Variants in FXN observed in about 807,000 individuals in gnomAD.
FXN encodes the protein frataxin, mitochondrial.
A neutral mutation model predicts 22.4 loss-of-function variants in FXN; 14 were observed. The ratio of observed to expected loss-of-function variants is 0.62; its 90% confidence interval spans 0.41 to 0.98. The LOEUF (loss-of-function observed/expected upper bound fraction) is 0.98, where lower values mean the gene tolerates loss of function less well. Among genes scored for constraint, FXN ranks in the 50% least tolerant of loss-of-function variants. The pLI is 0.00. For synonymous variants in FXN, 120 were observed against 114.1 expected, an observed-to-expected ratio of 1.05 and a Z score of -0.33; for missense variants, 267 against 268.4, an observed-to-expected ratio of 0.99 and a Z score of 0.04.
At chr9:69,052,757 T>C (rs1831876682) in intron 2 of FXN, among the ~76,000 whole-genome samples, 3 of 151,876 alleles carry the variant, frequency 2.0e-5, no homozygotes, top group African/African-American at 7.3e-5. Flanking sequence ...TTAGCCAGGA[T>C]GGTCTCGATC....
intron 1 of FXN, among the ~76,000 whole-genome samples, chr9:69,036,693 A>G (rs1831556923): frequency 6.6e-6 from 1 of 152,226 alleles, no homozygotes; most frequent in South Asian, 2.1e-4. Flanking sequence ...GGAATAACAT[A>G]GATAAAGTCT....
intron 4 of FXN, 54 bp from the exon 5 acceptor site, chr9:69,072,558 G>T: frequency 6.2e-7 from 1 of 1,612,302 alleles, no homozygotes; most frequent in Non-Finnish European, 8.5e-7. Flanking sequence ...GGAATCAGTG[G>T]TTCATCTGAA....
At chr9:69,043,949 T>C (rs1240055878) in intron 1 of FXN, among the ~76,000 whole-genome samples, 1 of 152,134 alleles carries the variant, frequency 6.6e-6, no homozygotes, top group African/African-American at 2.4e-5. Flanking sequence ...TCTCAAACTC[T>C]TGAGCTCAAG....
chr9:69,060,471 A>G (rs900366087), intron 3 of FXN, among the ~76,000 whole-genome samples: 1 of 152,102 alleles, frequency 6.6e-6, no homozygotes, highest in South Asian at 2.1e-4. Context: ...TTCCCCCTGC[A>G]CTTAAGGGCA....
At position 69,077,030 on chromosome 9, in the gene FXN, C is replaced by T. The variant is rs1832382249; in HGVS notation, c.*4268C>T. On this transcript the variant is annotated 3_prime_UTR_variant, in exon 5 of 5. Coordinates refer to ENST00000484259, the MANE Select transcript of FXN (RefSeq NM_000144.5). Reference sequence around the variant, plus strand: ...CCTGGGTTCAAGCAATTCTCTGCCTCAGCCTCCCGAGTAGCTGGGATTACA... The same window carrying T: ...CCTGGGTTCAAGCAATTCTCTGCCTTAGCCTCCCGAGTAGCTGGGATTACA... 1 of 561,182 alleles carries T rather than the reference C, an allele frequency of 1.8e-6. No homozygotes were observed. The highest frequency in any genetic ancestry group is 2.3e-6 in the Non-Finnish European group (1 of 442,550). The allele number at this position is 561,182 out of a possible 1,614,324, so 34.8% of individuals were successfully genotyped here.
At position 69,076,427 on chromosome 9, in the gene FXN, G is replaced by A; in HGVS notation, c.*3665G>A. On this transcript the variant is annotated 3_prime_UTR_variant, in exon 5 of 5. Coordinates refer to ENST00000484259, the MANE Select transcript of FXN (RefSeq NM_000144.5). ...ACCTTGAACTTAATCAAAATACTCAGTTTACTTAACTTCGTATTAGATTCT... is the reference window on the plus strand; with the variant it reads ...ACCTTGAACTTAATCAAAATACTCAATTTACTTAACTTCGTATTAGATTCT... 2.0e-6 allele frequency: 2 copies of A among 985,298 alleles called. No individual in the cohort carries two copies. The highest frequency in any genetic ancestry group is 2.4e-6 in the Non-Finnish European group (2 of 829,894). 61.0% of individuals were successfully genotyped at this position (985,298 alleles called of 1,614,324 possible). A position where few individuals can be genotyped will look rare whatever the true frequency, so the allele number is the denominator to read the frequency against.
Position 69,035,769 on chromosome 9 carries a change from A to C in FXN, c.-14A>C, listed in dbSNP as rs930798570. The stretch of plus-strand genomic sequence containing the variant: ...AGCGCTGGAGGGCGGAGCGGGCGGC[A>C]GACCCGGAGCAGCATGTGGACTCTC... On this transcript the variant is annotated 5_prime_UTR_variant, in exon 1 of 5. Transcript: ENST00000484259. The C allele has an allele frequency of 2.7e-5, 40 of 1,498,296 alleles. No individual in the cohort carries two copies. Among genetic ancestry groups the C allele is most frequent in the Non-Finnish European group, 3.4e-5 (38 of 1,129,346 alleles). The allele number at this position is 1,498,296 out of a possible 1,614,324, so 92.8% of individuals were successfully genotyped here.
rs56289301 is a variant in FXN, at chr9:69,076,704, C to T, written c.*3942C>T. On this transcript the variant is annotated 3_prime_UTR_variant, in exon 5 of 5. Transcript: ENST00000484259. ...CCATGCAAGGTTGCCAAGGAAAAAT[C>T]GCTTTACGCTTCCAAGGTACACACT... 4.4e-3 allele frequency: 4,339 copies of T among 985,386 alleles called. 151 individuals carry two copies. In the African/African-American group the frequency reaches 0.069, roughly 16 times the overall value. 61.0% of individuals were successfully genotyped at this position (985,386 alleles called of 1,614,324 possible).
chr9:69,074,937 C>T lies in FXN; in HGVS notation c.*2175C>T. 1 of 985,402 alleles carries T rather than the reference C, an allele frequency of 1.0e-6. No individual in the cohort carries two copies. The allele number at this position is 985,402 out of a possible 1,614,324, so 61.0% of individuals were successfully genotyped here. ...TGCTTCTACTGAAAGTTTCAGTGCACCCCACTTACTTAGAACTCGGTGACA... is the reference window on the plus strand; with the variant it reads ...TGCTTCTACTGAAAGTTTCAGTGCATCCCACTTACTTAGAACTCGGTGACA... On this transcript the variant is annotated 3_prime_UTR_variant, in exon 5 of 5. Transcript: ENST00000484259.
intron 3 of FXN, among the ~76,000 whole-genome samples, chr9:69,058,834 C>T (rs1484649164): frequency 1.3e-5 from 2 of 151,984 alleles, no homozygotes; most frequent in South Asian, 2.1e-4. Context: ...TTTGGGAGGC[C>T]GAGGCGGGCA....
chr9:69,056,730 T>G (rs1233095582), intron 3 of FXN, among the ~76,000 whole-genome samples: 4 of 151,740 alleles, frequency 2.6e-5, no homozygotes, highest in Non-Finnish European at 5.9e-5. Flanking sequence ...ATACCAGTGG[T>G]GAAGTGAGTC....
At chr9:69,052,461 A>G (rs1046764641) in intron 2 of FXN, among the ~76,000 whole-genome samples, 3 of 151,930 alleles carry the variant, frequency 2.0e-5, no homozygotes, top group African/African-American at 2.4e-5. Flanking sequence ...CTGGCCCAGA[A>G]AGGACTATTA....
chr9:69,070,239 AAAAG>A (rs995113288), intron 4 of FXN, among the ~76,000 whole-genome samples: 4 of 152,164 alleles, frequency 2.6e-5, no homozygotes, highest in Middle Eastern at 6.8e-3. Flanking sequence ...AAAAAAAAAA[AAAAG>A]AAAGAAAACG....
At chr9:69,036,103 C>T (rs987773855) in intron 1 of FXN, 156 bp downstream of exon 1, 17 of 486,736 alleles carry the variant, frequency 3.5e-5, no homozygotes, top group Non-Finnish European at 5.2e-5. Context: ...GCGGAAGCGG[C>T]CTTGCAACTC....
In FXN at chr9:69,076,573, T is replaced by A; in HGVS notation, c.*3811T>A. The A allele has an allele frequency of 1.0e-6, 1 of 985,446 alleles. No individual in the cohort carries two copies. Among genetic ancestry groups the A allele is most frequent in the South Asian group, 4.7e-5 (1 of 21,286 alleles). 61.0% of individuals were successfully genotyped at this position (985,446 alleles called of 1,614,324 possible). ...TGACAGTTTGCATTAAATTATAGGT[T>A]TACAATATGCTTTATCCAGCTATAC... On this transcript the variant is annotated 3_prime_UTR_variant, in exon 5 of 5. Transcript: ENST00000484259.
At chr9:69,060,034 G>T (rs1012606346) in intron 3 of FXN, among the ~76,000 whole-genome samples, 1 of 152,078 alleles carries the variant, frequency 6.6e-6, no homozygotes, top group African/African-American at 2.4e-5. Flanking sequence ...TGCTATTTTT[G>T]CTCCTACATG....
At position 69,073,502 on chromosome 9, in the gene FXN, T is replaced by C; in HGVS notation, c.*740T>C. ...GACAAGAAAAGAGGAAAAAAAGCCG[T>C]TTTCATGAGCTGAGTGATGTAGCGT... On this transcript the variant is annotated 3_prime_UTR_variant, in exon 5 of 5. Transcript: ENST00000484259. The C allele has an allele frequency of 1.0e-6, 1 of 985,354 alleles. No individual in the cohort carries two copies. Among genetic ancestry groups the C allele is most frequent in the Non-Finnish European group, 1.2e-6 (1 of 829,972 alleles). The allele number at this position is 985,354 out of a possible 1,614,324, so 61.0% of individuals were successfully genotyped here.
At position 69,072,817 on chromosome 9, in the gene FXN, A is replaced by G; in HGVS notation, c.*55A>G. The G allele has an allele frequency of 2.5e-6, 4 of 1,612,024 alleles. No individual in the cohort carries two copies. Among genetic ancestry groups the G allele is most frequent in the Admixed American group, 1.7e-5 (1 of 59,754 alleles). ...GCTATCAGGCCAAGACCCCAGCTTC[A>G]TTATGCAGCTGAGGTCTGTTTTTTG... On this transcript the variant is annotated 3_prime_UTR_variant, in exon 5 of 5. Transcript: ENST00000484259.
At chr9:69,069,047 G>A (rs185940626) in intron 4 of FXN, among the ~76,000 whole-genome samples, 25 of 152,324 alleles carry the variant, frequency 1.6e-4, no homozygotes, top group Non-Finnish European at 3.7e-4. Flanking sequence ...AAGAAATTGC[G>A]AGACAGAAGC....
Sources: gnomAD v4.1 joint callset for allele counts (sites outside exome capture counted in the v4.1 genomes callset) on GRCh38, gnomAD v4.1.1 for gene constraint, MANE v1.5 for transcripts, NCBI Gene and HGNC (gene_info 2026-07-23, HGNC 2026-07-21) for gene names.